Variants in KCTD15 observed in about 807,000 individuals in gnomAD.
KCTD15 encodes BTB/POZ domain-containing protein KCTD15.
Under a neutral mutation model 27.2 loss-of-function variants are expected in KCTD15, and 11 were observed. That is an observed-to-expected ratio of 0.41 (90% CI 0.25 to 0.67). The LOEUF is 0.67. KCTD15 is among the 30% of genes least tolerant of loss of function. The pLI, the probability that KCTD15 is intolerant of heterozygous loss-of-function variation, is 0.35. For missense variants in KCTD15, 350 were observed against 409.3 expected (o/e 0.86, Z 1.25); for synonymous variants, 163 against 176.0 (o/e 0.93, Z 0.58).
chr19:33,797,297 C>CTT, intron 1 of KCTD15: 1 of 344,464 alleles, frequency 2.9e-6, no homozygotes, highest in Non-Finnish European at 5.8e-6. Context: ...CGCGCGCGCG[C>CTT]GCGCGCTTGT....
chr19:33,811,062 T>C (rs985442976), intron 5 of KCTD15, among the ~76,000 whole-genome samples, 185 bp from the exon 6 acceptor site: 3 of 152,156 alleles, frequency 2.0e-5, no homozygotes, highest in Non-Finnish European at 4.4e-5. Context: ...CTAGGTTCTT[T>C]ATACTTGCAA....
chr19:33,812,157 C>A (rs577147402), intron 6 of KCTD15: 5 of 1,188,056 alleles, frequency 4.2e-6, no homozygotes, highest in African/African-American at 1.6e-5. Flanking sequence ...CACAGCCTGT[C>A]GGTCAGAACT....
chr19:33,797,005 G>C lies in KCTD15; in HGVS notation c.-127+18G>C, dbSNP rs904509764. 4.0e-5 allele frequency: 6 copies of C among 151,890 alleles called. No homozygotes were observed. 9.4% of individuals were successfully genotyped at this position (151,890 alleles called of 1,614,324 possible). ...GCTCCGAGGTAAGCTCAGCGCGGGC[G>C]GCCACCGCTCAGAGCCGCGCAACCC... On this transcript the variant is annotated intron_variant, in intron 1 of 6. Transcript: ENST00000683859.
chr19:33,810,227 G>C (rs1023650619), intron 5 of KCTD15, among the ~76,000 whole-genome samples: 1 of 152,188 alleles, frequency 6.6e-6, no homozygotes, highest in African/African-American at 2.4e-5. Context: ...CAGTCTGTGC[G>C]AGGCTGCTTA....
chr19:33,798,608 G>A (rs1227560982), intron 1 of KCTD15, 60 bp from the exon 2 acceptor site: 1 of 152,786 alleles, frequency 6.5e-6, no homozygotes. Context: ...GTTTGATGCT[G>A]GTGCTGGTGG....
chr19:33,802,164 G>T (rs1975578238), intron 4 of KCTD15, among the ~76,000 whole-genome samples: 1 of 152,220 alleles, frequency 6.6e-6, no homozygotes, highest in Non-Finnish European at 1.5e-5. Context: ...GACCCGAGTA[G>T]GGTGGGTCTT....
intron 4 of KCTD15, chr19:33,801,614 C>T (rs774597293): frequency 2.5e-4 from 86 of 343,920 alleles, no homozygotes; most frequent in Admixed American, 3.8e-4. Context: ...AGGGCTTATT[C>T]AGAGCCAGCC....
rs148633326 is a variant in KCTD15, at chr19:33,800,519, C to A, written c.65C>A (p.Ala22Glu). The A allele has an allele frequency of 5.0e-6, 8 of 1,592,124 alleles. No individual in the cohort carries two copies. The Middle Eastern group carries it at 8.6e-4, about 172-fold the overall frequency. The stretch of plus-strand genomic sequence containing the variant: ...CACACACACGGCAGCACCGGCACCG[C>A]GGTGAGCCTGCAGGGTGGGCTGGGT... ...SLHTHGSTGT[A>E]EGGNMSRLSL... Residue 22 changes from alanine (A) to glutamate (E), a missense_variant and splice_region_variant, in exon 3 of 7, where the codon GCG becomes GAG. By Grantham distance (107) the Ala-to-Glu change is moderately radical. This residue lies in a region of KCTD15 where 77 missense variants were observed against 72.7 expected (regional missense o/e 1.06). Coordinates refer to ENST00000683859, the MANE Select transcript of KCTD15 (RefSeq NM_001129994.2).
chr19:33,810,089 C>T (rs1975842994), intron 5 of KCTD15, among the ~76,000 whole-genome samples: 1 of 152,182 alleles, frequency 6.6e-6, no homozygotes. Flanking sequence ...GCTTCCTTGC[C>T]TCTTCCTCAG....
intron 4 of KCTD15, among the ~76,000 whole-genome samples, chr19:33,802,361 A>G (rs534578138): frequency 6.6e-6 from 1 of 152,312 alleles, no homozygotes; most frequent in South Asian, 2.1e-4. Flanking sequence ...TGGGGAGCAT[A>G]CACGGCAGGC....
chr19:33,795,591 G>C (rs956422681), upstream of KCTD15, among the ~76,000 whole-genome samples: 1 of 151,992 alleles, frequency 6.6e-6, no homozygotes, highest in African/African-American at 2.4e-5. Flanking sequence ...CGGGGGCGCA[G>C]TGCCGGCCAG....
intron 1 of KCTD15, among the ~76,000 whole-genome samples, chr19:33,797,622 C>T (rs1406757404): frequency 2.6e-5 from 4 of 152,104 alleles, no homozygotes; most frequent in African/African-American, 9.7e-5. Context: ...GCCCGCACCC[C>T]CTGACCTGGA....
At position 33,813,515 on chromosome 19, in the gene KCTD15, G is replaced by A. The variant is rs1188564917; in HGVS notation, c.*567G>A. The A allele has an allele frequency of 7.3e-6, 3 of 413,598 alleles. No individual in the cohort carries two copies. The highest frequency in any genetic ancestry group is 2.7e-5 in the Admixed American group (1 of 37,036). The allele number at this position is 413,598 out of a possible 1,614,324, so 25.6% of individuals were successfully genotyped here. A position where few individuals can be genotyped will look rare whatever the true frequency, so the allele number is the denominator to read the frequency against. ...GGCATTCAGGCCCAGATGCCTGCAG[G>A]GCTGGGGCTCTCGGGACAGATGCAG... On this transcript the variant is annotated 3_prime_UTR_variant, in exon 7 of 7. Transcript: ENST00000683859.
chr19:33,796,022 A>C (rs1353397610), upstream of KCTD15: 3 of 152,084 alleles, frequency 2.0e-5, no homozygotes, highest in African/African-American at 2.4e-5. Context: ...CTGGCAGCCC[A>C]GTTTCTTCCC....
chr19:33,806,491 T>C (rs958720851), intron 4 of KCTD15, among the ~76,000 whole-genome samples: 1 of 152,124 alleles, frequency 6.6e-6, no homozygotes, highest in African/African-American at 2.4e-5. Context: ...TGGGTCTATC[T>C]GGCAAGGGTG....
At chr19:33,805,454 G>A (rs944068745) in intron 4 of KCTD15, among the ~76,000 whole-genome samples, 6 of 152,200 alleles carry the variant, frequency 3.9e-5, no homozygotes, top group Admixed American at 1.3e-4. Context: ...CCCTGGAGAC[G>A]GCTGACTTGG....
chr19:33,795,172 GAACT>G (rs1025511808), upstream of KCTD15, among the ~76,000 whole-genome samples: 1 of 152,184 alleles, frequency 6.6e-6, no homozygotes, highest in African/African-American at 2.4e-5. Flanking sequence ...TCAAATAATT[GAACT>G]AACTGCAGGG....
chr19:33,808,091 G>T (rs774520971), intron 5 of KCTD15, among the ~76,000 whole-genome samples: 1 of 152,258 alleles, frequency 6.6e-6, no homozygotes. Context: ...CCTGGGTCAT[G>T]CCTCAGTGCT....
intron 1 of KCTD15, chr19:33,797,315 C>T (rs1041974563): frequency 1.7e-5 from 7 of 409,194 alleles, no homozygotes; most frequent in African/African-American, 6.3e-5. Flanking sequence ...TGTGGAGGTC[C>T]CCGCACTCTG....
Sources: allele counts gnomAD v4.1 joint callset (sites outside exome capture counted in the v4.1 genomes callset), GRCh38; gene constraint gnomAD v4.1.1; regional missense constraint gnomAD v4.1.1; transcripts MANE v1.5; gene names NCBI Gene and HGNC (gene_info 2026-07-23, HGNC 2026-07-21).